CCNY: variants seen among roughly 807,000 people sequenced by gnomAD.
The protein encoded by CCNY is cyclin-Y.
CCNY carries 19 observed loss-of-function variants against 42.8 expected under a neutral mutation model. The observed-to-expected ratio is 0.44, with a 90% CI of 0.31 to 0.65. CCNY has a LOEUF of 0.65. Among genes scored for constraint, CCNY ranks in the 30% least tolerant of loss-of-function variants. The pLI is 0.07. For synonymous variants in CCNY, 165 were observed against 162.7 expected (o/e 1.01, Z -0.11); for missense variants, 370 against 437.3 (o/e 0.85, Z 1.37).
At position 35,350,169 on chromosome 10, in the gene CCNY, T is replaced by C. The variant is rs544546030; in HGVS notation, c.154+12962T>C. 2.6e-5 allele frequency among the ~76,000 whole-genome samples: 4 copies of C among 152,304 alleles called. No homozygotes were observed. In the East Asian group the frequency reaches 7.7e-4, roughly 29 times the overall value. On this transcript the variant is annotated intron_variant, in intron 1 of 9. Transcript: ENST00000374704. ...AAGACATTGGCCACCGTTCTGACAA[T>C]GGGTGGTGGGGTAGCTTTCTGTGTG...
chr10:35,433,985 C>A (rs533328048), intron 1 of CCNY: 1 of 152,124 alleles, frequency 6.6e-6, no homozygotes, highest in Non-Finnish European at 1.5e-5. Flanking sequence ...TCCTTGTATG[C>A]GAACTTAAGT....
At chr10:35,300,506 G>A (rs1429502233) in intron 3 of CCNY, among the ~76,000 whole-genome samples, 2 of 152,124 alleles carry the variant, frequency 1.3e-5, no homozygotes, top group African/African-American at 4.8e-5. Context: ...TTGCAGTAGG[G>A]CAAGTCCAGT....
At chr10:35,489,489 A>T (rs939709556) in intron 2 of CCNY, among the ~76,000 whole-genome samples, 1 of 152,066 alleles carries the variant, frequency 6.6e-6, no homozygotes, top group Admixed American at 6.5e-5. Flanking sequence ...TTTAGTAGAG[A>T]TGGGGTTTCA....
At chr10:35,311,814 C>T (rs1184362849) in intron 3 of CCNY, among the ~76,000 whole-genome samples, 1 of 151,204 alleles carries the variant, frequency 6.6e-6, no homozygotes, top group Non-Finnish European at 1.5e-5. Context: ...AGGGACACCC[C>T]CTCTCTACAA....
chr10:35,374,684 G>A (rs1227151858), intron 1 of CCNY, among the ~76,000 whole-genome samples: 4 of 152,126 alleles, frequency 2.6e-5, no homozygotes, highest in African/African-American at 9.7e-5. Context: ...TGTCAGGTGT[G>A]TCCATGTTTA....
chr10:35,460,432 A>G (rs946163656), intron 1 of CCNY, among the ~76,000 whole-genome samples: 1 of 147,646 alleles, frequency 6.8e-6, no homozygotes, highest in South Asian at 2.2e-4. Flanking sequence ...CCACATTGGA[A>G]GAAGAAGAAT....
At chr10:35,478,115 A>G (rs1456136662) in intron 1 of CCNY, among the ~76,000 whole-genome samples, 1 of 150,394 alleles carries the variant, frequency 6.6e-6, no homozygotes, top group Non-Finnish European at 1.5e-5. Context: ...AGAACTACAA[A>G]CTGCTGCTCA....
intron 3 of CCNY, among the ~76,000 whole-genome samples, chr10:35,504,624 T>TG (rs1840177681): frequency 2.6e-5 from 4 of 151,778 alleles, no homozygotes; most frequent in African/African-American, 9.7e-5. Flanking sequence ...ATAGGAAGGT[T>TG]TTTGTTGTTG....
chr10:35,447,093 C>T (rs1193355554), intron 1 of CCNY, among the ~76,000 whole-genome samples: 8 of 152,116 alleles, frequency 5.3e-5, no homozygotes, highest in East Asian at 1.9e-4. Context: ...CTGGCTAATA[C>T]GGTGAAACCC....
rs1197904533 is a variant in CCNY at position 35,388,994 on chromosome 10, C to T, written c.154+51787C>T. On this transcript the variant is annotated intron_variant, in intron 1 of 9. Transcript: ENST00000374704. Reference sequence around the variant, plus strand: ...CCACTTTTAAGGAGATTGCTTTAGGCTCACCCAGATAATACCAGGAACATC... The same window carrying T: ...CCACTTTTAAGGAGATTGCTTTAGGTTCACCCAGATAATACCAGGAACATC... Among the ~76,000 whole-genome samples the T allele has an allele frequency of 4.6e-5, 7 of 152,182 alleles. No homozygotes were observed. The East Asian group carries it at 9.6e-4, about 21-fold the overall frequency.
intron 1 of CCNY, 53 bp downstream of exon 1, chr10:35,337,260 G>T: frequency 7.0e-7 from 1 of 1,420,778 alleles, no homozygotes; most frequent in South Asian, 1.4e-5. Flanking sequence ...CAGTCGCACA[G>T]CCAACGTCGG....
At chr10:35,426,514 C>T (rs984613599) in intron 1 of CCNY, among the ~76,000 whole-genome samples, 2 of 152,196 alleles carry the variant, frequency 1.3e-5, no homozygotes, top group Non-Finnish European at 2.9e-5. Flanking sequence ...GGGTTTAGGA[C>T]AATGACTTTG....
chr10:35,461,678 G>A (rs1476075257), intron 1 of CCNY, among the ~76,000 whole-genome samples: 1 of 152,160 alleles, frequency 6.6e-6, no homozygotes. Context: ...GAATACTTGG[G>A]ACCACTTGAT....
intron 7 of CCNY, among the ~76,000 whole-genome samples, chr10:35,552,480 C>T (rs576076263): frequency 3.3e-5 from 5 of 152,244 alleles, no homozygotes; most frequent in African/African-American, 1.2e-4. Flanking sequence ...GTGGTAACCA[C>T]CACACTGCAG....
intron 3 of CCNY, among the ~76,000 whole-genome samples, chr10:35,281,388 C>A (rs535082964): frequency 1.3e-5 from 2 of 152,106 alleles, no homozygotes; most frequent in African/African-American, 4.8e-5. Context: ...AACCTCCTTC[C>A]CCCTGGGTTC....
At chr10:35,491,343 C>T (rs1054834775) in intron 2 of CCNY, among the ~76,000 whole-genome samples, 2 of 152,240 alleles carry the variant, frequency 1.3e-5, no homozygotes, top group Non-Finnish European at 2.9e-5. Flanking sequence ...CCCAGGCACA[C>T]AGCGAGCCCT....
At chr10:35,554,447 C>A (rs905116161) in intron 8 of CCNY, among the ~76,000 whole-genome samples, 2 of 152,002 alleles carry the variant, frequency 1.3e-5, no homozygotes, top group Non-Finnish European at 2.9e-5. Context: ...AAATAAAATT[C>A]TTGACTATAT....
At chr10:35,454,726 A>T in intron 1 of CCNY, among the ~76,000 whole-genome samples, 1 of 152,188 alleles carries the variant, frequency 6.6e-6, no homozygotes, top group African/African-American at 2.4e-5. Flanking sequence ...GGAGGCGGGT[A>T]TGCTCTCTGG....
chr10:35,514,086 A>AAAAAAAAAAAAAAC (rs1840377812), intron 3 of CCNY, among the ~76,000 whole-genome samples: 1 of 151,004 alleles, frequency 6.6e-6, no homozygotes. Context: ...AAAAAAAAAA[A>AAAAAAAAAAAAAAC]AAAAAAAAAA....
Sources: gnomAD v4.1 joint callset for allele counts (sites outside exome capture counted in the v4.1 genomes callset) on GRCh38, gnomAD v4.1.1 for gene constraint, MANE v1.5 for transcripts, NCBI Gene and HGNC (gene_info 2026-07-23, HGNC 2026-07-21) for gene names.